The following EXOC6B variants were observed in gnomAD, a reference collection of about 807,000 sequenced individuals.
EXOC6B encodes the protein SEC15 homolog B.
A neutral mutation model predicts 113.5 loss-of-function variants in EXOC6B; 54 were observed. That is an observed-to-expected ratio of 0.48 (90% CI 0.38 to 0.60). The LOEUF (loss-of-function observed/expected upper bound fraction) is 0.60, where lower values mean the gene tolerates loss of function less well. EXOC6B is among the 20% of genes least tolerant of loss of function. The pLI is 0.00. For synonymous variants in EXOC6B, 357 were observed against 339.0 expected, an observed-to-expected ratio of 1.05 and a Z score of -0.58; for missense variants, 797 against 977.5, an observed-to-expected ratio of 0.82 and a Z score of 2.46.
chr2:72,816,159 A>C (rs1686233817), intron 1 of EXOC6B, among the ~76,000 whole-genome samples: 1 of 152,252 alleles, frequency 6.6e-6, no homozygotes, highest in East Asian at 1.9e-4. Context: ...ACTCCGTCTC[A>C]AAAACAAAAC....
At chr2:72,650,371 G>A (rs1674072170) in intron 6 of EXOC6B, among the ~76,000 whole-genome samples, 1 of 152,214 alleles carries the variant, frequency 6.6e-6, no homozygotes, top group Non-Finnish European at 1.5e-5. Flanking sequence ...GGAGGCAGAG[G>A]CAGGCGGATC....
intron 20 of EXOC6B, among the ~76,000 whole-genome samples, chr2:72,232,856 G>C (rs1163806478): frequency 1.3e-5 from 2 of 152,060 alleles, no homozygotes; most frequent in Non-Finnish European, 2.9e-5. Context: ...TGGATCACCT[G>C]AGGTCAGGAG....
intron 18 of EXOC6B, among the ~76,000 whole-genome samples, chr2:72,435,867 T>G (rs536693325): frequency 6.6e-6 from 1 of 152,326 alleles, no homozygotes; most frequent in Non-Finnish European, 1.5e-5. Flanking sequence ...CCAGTCTGTG[T>G]CTTTTAATTG....
chr2:72,265,523 G>A (rs971727015), intron 20 of EXOC6B, among the ~76,000 whole-genome samples: 2 of 150,720 alleles, frequency 1.3e-5, no homozygotes, highest in Admixed American at 6.7e-5. Context: ...TTGTCCTTGC[G>A]ATAGTTTACT....
At position 72,799,209 on chromosome 2, in the gene EXOC6B, C is replaced by T. The variant is rs557364364; in HGVS notation, c.113+26589G>A. On this transcript the variant is annotated intron_variant, in intron 1 of 21. Transcript: ENST00000272427. ...GAGCCAAGATCTCACCACTGCACTC[C>T]AGCCTGGGTGACAGAGTGAGACCCT... Among the ~76,000 whole-genome samples the T allele has an allele frequency of 5.2e-5, 7 of 133,670 alleles. No individual in the cohort carries two copies. The East Asian group carries it at 1.3e-3, about 25-fold the overall frequency. 87.7% of individuals were successfully genotyped at this position (133,670 alleles called of 152,430 possible).
chr2:72,184,688 T>G (rs1678307775), intron 20 of EXOC6B, among the ~76,000 whole-genome samples: 1 of 152,202 alleles, frequency 6.6e-6, no homozygotes, highest in South Asian at 2.1e-4. Context: ...CTGTACTGAC[T>G]TAGCCCAAGT....
chr2:72,182,976 G>T, intron 21 of EXOC6B: 1 of 1,107,392 alleles, frequency 9.0e-7, no homozygotes, highest in Non-Finnish European at 1.1e-6. Context: ...AATCTCTGAC[G>T]TGGTCAGGAG....
intron 20 of EXOC6B, among the ~76,000 whole-genome samples, chr2:72,238,148 A>G (rs961435814): frequency 1.3e-5 from 2 of 152,338 alleles, no homozygotes; most frequent in Non-Finnish European, 2.9e-5. Flanking sequence ...ACATTCATGT[A>G]GATGGAATCA....
chr2:72,404,718 C>G (rs1433135482), intron 18 of EXOC6B, among the ~76,000 whole-genome samples: 1 of 152,170 alleles, frequency 6.6e-6, no homozygotes, highest in African/African-American at 2.4e-5. Context: ...ACATCACCAT[C>G]ATCAAAGACC....
chr2:72,254,132 G>A (rs1363597491), intron 20 of EXOC6B, among the ~76,000 whole-genome samples: 1 of 151,820 alleles, frequency 6.6e-6, no homozygotes, highest in Non-Finnish European at 1.5e-5. Context: ...TGCACTCCAG[G>A]CTGGGCGACA....
chr2:72,392,886 T>C (rs13397728), intron 18 of EXOC6B, among the ~76,000 whole-genome samples: 3,930 of 152,212 alleles, frequency 0.026, 183 homozygotes, highest in African/African-American at 0.089. Context: ...AAGCACAAAG[T>C]GCTCATCTGC....
chr2:72,570,511 A>C (rs1704451102), intron 7 of EXOC6B, among the ~76,000 whole-genome samples: 1 of 152,204 alleles, frequency 6.6e-6, no homozygotes. Context: ...AGAGACACCA[A>C]AATCTAGAGA....
At chr2:72,606,610 T>C (rs1317745680) in intron 6 of EXOC6B, among the ~76,000 whole-genome samples, 1 of 151,430 alleles carries the variant, frequency 6.6e-6, no homozygotes, top group Non-Finnish European at 1.5e-5. Context: ...GAAATATAAA[T>C]GCAGTATATT....
intron 19 of EXOC6B, among the ~76,000 whole-genome samples, chr2:72,363,139 G>GA (rs2104991022): frequency 6.6e-6 from 1 of 152,158 alleles, no homozygotes; most frequent in African/African-American, 2.4e-5. Flanking sequence ...AACATACTGA[G>GA]ATCTAAGATG....
intron 18 of EXOC6B, among the ~76,000 whole-genome samples, chr2:72,439,596 C>T (rs1432165565): frequency 6.6e-6 from 1 of 152,144 alleles, no homozygotes; most frequent in Non-Finnish European, 1.5e-5. Flanking sequence ...TCTATACTGG[C>T]AATTTTGTCT....
intron 8 of EXOC6B, among the ~76,000 whole-genome samples, chr2:72,536,669 C>A (rs1702308596): frequency 6.6e-6 from 1 of 152,136 alleles, no homozygotes; most frequent in Admixed American, 6.5e-5. Context: ...AAATAAATAT[C>A]CTCATAAACT....
chr2:72,397,660 T>TAAAATAAAATAAAATAA (rs146573352), intron 18 of EXOC6B, among the ~76,000 whole-genome samples: 8 of 139,894 alleles, frequency 5.7e-5, no homozygotes, highest in African/African-American at 2.4e-4. Context: ...TAAAATAAAA[T>TAAAATAAAATAAAATAA]TATATATATA....
At chr2:72,389,605 T>C (rs951253775) in intron 18 of EXOC6B, among the ~76,000 whole-genome samples, 1 of 152,126 alleles carries the variant, frequency 6.6e-6, no homozygotes, top group Non-Finnish European at 1.5e-5. Context: ...CAGCTTTTGA[T>C]CATCTAAAAA....
chr2:72,648,836 T>C (rs552972715), intron 6 of EXOC6B, among the ~76,000 whole-genome samples: 2 of 152,228 alleles, frequency 1.3e-5, no homozygotes, highest in South Asian at 2.1e-4. Context: ...CATTGATTTG[T>C]GGGAGCTAAA....
Sources: gnomAD v4.1 joint callset for allele counts (sites outside exome capture counted in the v4.1 genomes callset) on GRCh38, gnomAD v4.1.1 for gene constraint, MANE v1.5 for transcripts, NCBI Gene and HGNC (gene_info 2026-07-23, HGNC 2026-07-21) for gene names.